The following SUSD4 variants were observed in gnomAD, a reference collection of about 807,000 sequenced individuals.
SUSD4 encodes the protein sushi domain containing 4, also known as sushi domain-containing protein 4.
SUSD4 carries 41 observed loss-of-function variants against 50.5 expected under a neutral mutation model. The ratio of observed to expected loss-of-function variants is 0.81; its 90% confidence interval spans 0.63 to 1.05. SUSD4 has a LOEUF of 1.05. SUSD4 is among the 50% of genes least tolerant of loss of function. The pLI is 0.00. For synonymous variants in SUSD4, 257 were observed against 257.3 expected (o/e 1.00, Z 0.01); for missense variants, 580 against 634.7 (o/e 0.91, Z 0.93).
intron 2 of SUSD4, among the ~76,000 whole-genome samples, chr1:223,297,734 A>G (rs1664919740): frequency 1.3e-5 from 2 of 152,190 alleles, no homozygotes; most frequent in African/African-American, 4.8e-5. Flanking sequence ...TCACTGCTCT[A>G]CTTAGCGGTC....
At chr1:223,364,751 C>A (rs1049425197), upstream of SUSD4, among the ~76,000 whole-genome samples, 15 of 151,820 alleles carry the variant, frequency 9.9e-5, no homozygotes, top group Non-Finnish European at 1.6e-4. The surrounding 1 kb of genome is among the most constrained non-coding windows in gnomAD (Gnocchi z 4.5). Context: ...GAGTGCGCGG[C>A]CGGCAGCTCC....
Position 223,363,520 on chromosome 1 carries a change from C to A in SUSD4, c.-35-60G>T. ...TCTGTCCGGGCTCGGGGGCCACGCT[C>A]CCCCTCCTCCGCTCTGGGACCCGGC... On this transcript the variant is annotated intron_variant, in intron 1 of 8. Coordinates refer to ENST00000366878, the MANE Select transcript of SUSD4 (RefSeq NM_017982.4). 3 of 1,368,146 alleles carry A rather than the reference C, an allele frequency of 2.2e-6. No homozygotes were observed. The South Asian group carries it at 5.5e-5, about 25-fold the overall frequency. The allele number at this position is 1,368,146 out of a possible 1,614,324, so 84.8% of individuals were successfully genotyped here.
At chr1:223,333,139 C>T (rs1289401180) in intron 2 of SUSD4, among the ~76,000 whole-genome samples, 4 of 152,040 alleles carry the variant, frequency 2.6e-5, no homozygotes, top group South Asian at 2.1e-4. Flanking sequence ...TAACCTCCCC[C>T]GTTACGGTGA....
At chr1:223,255,478 A>T (rs1186561122) in intron 5 of SUSD4, among the ~76,000 whole-genome samples, 1 of 152,110 alleles carries the variant, frequency 6.6e-6, no homozygotes, top group African/African-American at 2.4e-5. Flanking sequence ...ACGCCAGCAA[A>T]CTCTTCCTTC....
chr1:223,222,168 G>A lies in SUSD4; in HGVS notation c.*24C>T, dbSNP rs1397990684. On this transcript the variant is annotated 3_prime_UTR_variant, in exon 9 of 9. Transcript: ENST00000366878. ...AGGTCCTTTCCCCGAAGGAGCAGGAGAGTCATCTGGATCTTGACCCATATT... is the reference window on the plus strand; with the variant it reads ...AGGTCCTTTCCCCGAAGGAGCAGGAAAGTCATCTGGATCTTGACCCATATT... 3 of 1,612,052 alleles carry A rather than the reference G, an allele frequency of 1.9e-6. No individual in the cohort carries two copies. The Admixed American group carries it at 5.0e-5, about 27-fold the overall frequency.
intron 3 of SUSD4, among the ~76,000 whole-genome samples, chr1:223,278,408 G>C (rs9442043): frequency 0.28 from 42,619 of 152,174 alleles, 7,413 homozygotes; most frequent in Non-Finnish European, 0.4. Context: ...CGGCACACCA[G>C]GAGATTATAT....
chr1:223,232,143 G>A (rs546521384), intron 5 of SUSD4, among the ~76,000 whole-genome samples: 2 of 152,298 alleles, frequency 1.3e-5, no homozygotes, highest in East Asian at 3.9e-4. Flanking sequence ...CCAGGGAGCA[G>A]AACAGTGGTT....
intron 3 of SUSD4, among the ~76,000 whole-genome samples, chr1:223,286,799 A>C (rs1472511726): frequency 6.6e-6 from 1 of 152,208 alleles, no homozygotes; most frequent in Non-Finnish European, 1.5e-5. Context: ...CAAGCGTGTC[A>C]TTTGTGCCTA....
At chr1:223,359,267 T>A (rs1668835458) in intron 2 of SUSD4, 2 of 391,184 alleles carry the variant, frequency 5.1e-6, no homozygotes, top group Admixed American at 6.4e-5. Context: ...GGTTCTAACC[T>A]ATTTTTCCTT....
chr1:223,292,502 A>C lies in SUSD4; in HGVS notation c.298T>G (p.Leu100Val). The change falls in exon 3 of 9, where the codon TTG becomes GTG. Residue 100 changes from leucine to valine, a missense_variant. Coordinates refer to ENST00000366878, the MANE Select transcript of SUSD4 (RefSeq NM_017982.4). Reference protein sequence around the residue: ...KLKGATKRLCLKHFNGTLGWI... With the variant: ...KLKGATKRLCVKHFNGTLGWI... ...CCTAGGGTTCCATTAAAATGCTTCA[A>C]ACACAGTCTCTTTGTAGCGCCCTTC... 1.2e-6 allele frequency: 2 copies of C among 1,614,192 alleles called. 1 individual carries two copies. Among genetic ancestry groups the C allele is most frequent in the South Asian group, 2.2e-5 (2 of 91,080 alleles).
chr1:223,304,793 CATATATAT>C (rs57599818), intron 2 of SUSD4, among the ~76,000 whole-genome samples: 19 of 53,564 alleles, frequency 3.5e-4, no homozygotes, highest in Non-Finnish European at 4.8e-4. Flanking sequence ...CTCAGGTTTC[CATATATAT>C]ATATATATAT....
Position 223,292,161 on chromosome 1 carries a change from C to T in SUSD4, c.361+278G>A, listed in dbSNP as rs149917234. Among the ~76,000 whole-genome samples, 666 of 152,196 alleles carry T rather than the reference C, an allele frequency of 4.4e-3. 8 individuals are homozygous for T. The highest frequency in any genetic ancestry group is 0.015 in the African/African-American group (632 of 41,516). On this transcript the variant is annotated intron_variant, in intron 3 of 8. Transcript: ENST00000366878. ...AGTTGGCAGCCTAATAATAAATACCCGTAATGTTATCTGAGTTGCTCTCCT... is the reference window on the plus strand; with the variant it reads ...AGTTGGCAGCCTAATAATAAATACCTGTAATGTTATCTGAGTTGCTCTCCT...
At chr1:223,315,220 T>G (rs923769427) in intron 2 of SUSD4, among the ~76,000 whole-genome samples, 3 of 152,194 alleles carry the variant, frequency 2.0e-5, no homozygotes, top group Non-Finnish European at 2.9e-5. Flanking sequence ...CCCCAAAGCT[T>G]AACTGCCTTT....
chr1:223,251,069 T>C (rs892225827), intron 5 of SUSD4, among the ~76,000 whole-genome samples: 9 of 152,200 alleles, frequency 5.9e-5, no homozygotes, highest in African/African-American at 1.9e-4. Flanking sequence ...TAACTGCAGA[T>C]GTAATTAAAT....
chr1:223,224,338 TAAACAAAC>T (rs559012498), intron 7 of SUSD4, among the ~76,000 whole-genome samples: 1 of 152,008 alleles, frequency 6.6e-6, no homozygotes, highest in African/African-American at 2.4e-5. Flanking sequence ...TGTTGTCTCA[TAAACAAAC>T]AAACAAACAA....
intron 2 of SUSD4, among the ~76,000 whole-genome samples, chr1:223,349,947 G>A (rs1668264027): frequency 6.6e-6 from 1 of 152,170 alleles, no homozygotes; most frequent in South Asian, 2.1e-4. Context: ...GGTAATTAAA[G>A]TTAAATGAAG....
chr1:223,332,079 T>G lies in SUSD4; in HGVS notation c.148+31199A>C, dbSNP rs1364113721. Among the ~76,000 whole-genome samples, 1 of 152,212 alleles carries G rather than the reference T, an allele frequency of 6.6e-6. No individual in the cohort carries two copies. The highest frequency in any genetic ancestry group is 1.5e-5 in the Non-Finnish European group (1 of 68,038). On this transcript the variant is annotated intron_variant, in intron 2 of 8. Coordinates refer to ENST00000366878, the MANE Select transcript of SUSD4 (RefSeq NM_017982.4). This position sits in a 1 kb window ranked among gnomAD's most constrained non-coding sequence, Gnocchi z 4.0. ...GAAAGCTGAGTGATGGGGCACAGTG[T>G]GAGCCTGGTTACAAAGCCCCCTATT...
chr1:223,253,101 A>AG (rs1320194999), intron 5 of SUSD4, among the ~76,000 whole-genome samples: 1 of 152,008 alleles, frequency 6.6e-6, no homozygotes, highest in Non-Finnish European at 1.5e-5. Context: ...TCCAAAAAAA[A>AG]AAAAGAAAAA....
Position 223,309,548 on chromosome 1 carries a change from G to A in SUSD4, c.149-16897C>T, listed in dbSNP as rs556416606. ...GTGAGTAGGACTGAGTTCCTAAGGG[G>A]CAACCTGAGCCCTCTCACTATAGCA... On this transcript the variant is annotated intron_variant, in intron 2 of 8. Transcript: ENST00000366878. Among the ~76,000 whole-genome samples, 7 of 152,134 alleles carry A rather than the reference G, an allele frequency of 4.6e-5. No homozygotes were observed. In the South Asian group the frequency reaches 1.2e-3, roughly 27 times the overall value.
Sources: allele counts gnomAD v4.1 joint callset (sites outside exome capture counted in the v4.1 genomes callset), GRCh38; gene constraint gnomAD v4.1.1; non-coding constraint Gnocchi (gnomAD v3.1); transcripts MANE v1.5; gene names NCBI Gene and HGNC (gene_info 2026-07-23, HGNC 2026-07-21).